Variants in CROCC observed in about 807,000 individuals in gnomAD.
The protein encoded by CROCC is rootletin.
In CROCC, 180 loss-of-function variants were observed where a neutral mutation model predicts 245.2. The ratio of observed to expected loss-of-function variants is 0.73; its 90% CI spans 0.65 to 0.83. The LOEUF is 0.83. CROCC is among the 40% of genes least tolerant of loss of function. CROCC has a pLI of 0.00. For synonymous variants in CROCC, 1,205 were observed against 1,241.6 expected, an observed-to-expected ratio of 0.97 and a Z score of 0.62; for missense variants, 2,688 against 2,779.4, an observed-to-expected ratio of 0.97 and a Z score of 0.74.
upstream of CROCC, among the ~76,000 whole-genome samples, chr1:16,920,093 T>TTTATA (rs2075372061): frequency 2.1e-4 from 2 of 9,404 alleles, no homozygotes; most frequent in Admixed American, 1.5e-3. Context: ...TTTATTTATA[T>TTTATA]TTTTGAGACG....
Position 16,924,312 on chromosome 1 carries a change from T to C in CROCC, c.197-13T>C. 1.2e-6 allele frequency: 2 copies of C among 1,609,586 alleles called. No individual in the cohort carries two copies. The highest frequency in any genetic ancestry group is 1.7e-6 in the Non-Finnish European group (2 of 1,178,274). ...ACCCAGAAGCCAACCATGTGCCCACTGTCCCTTGCCAGTCCTGCTGCCGGC... is the reference window on the plus strand; with the variant it reads ...ACCCAGAAGCCAACCATGTGCCCACCGTCCCTTGCCAGTCCTGCTGCCGGC... On this transcript the variant is annotated splice_polypyrimidine_tract_variant and intron_variant, in intron 2 of 36. Transcript: ENST00000375541.
intron 1 of CROCC, among the ~76,000 whole-genome samples, chr1:16,914,881 G>T (rs1487519497): frequency 6.6e-6 from 1 of 152,284 alleles, no homozygotes; most frequent in Non-Finnish European, 1.5e-5. Context: ...TGGGGAGGAG[G>T]ACTTCAGGGT....
rs1451446896 is a variant in CROCC at position 16,958,764 on chromosome 1, C to T, written c.4032+14C>T. 1.3e-6 allele frequency: 2 copies of T among 1,549,654 alleles called. No individual in the cohort carries two copies. Among genetic ancestry groups the T allele is most frequent in the Non-Finnish European group, 1.7e-6 (2 of 1,145,886 alleles). ...ATGCGGCAGGAGGTAACTGAGCAGG[C>T]GGGCAGGCTGGTGCATCTTTCCTTC... On this transcript the variant is annotated intron_variant, in intron 26 of 36. Coordinates refer to ENST00000375541, the MANE Select transcript of CROCC (RefSeq NM_014675.5).
upstream of CROCC, among the ~76,000 whole-genome samples, chr1:16,921,104 G>A (rs1162005142): frequency 4.1e-4 from 63 of 152,256 alleles, no homozygotes; most frequent in African/African-American, 1.5e-3. Context: ...TGTTGGCCAC[G>A]TGACCCCCCA....
intron 32 of CROCC, 34 bp from the exon 33 acceptor site, chr1:16,969,751 G>T: frequency 6.3e-7 from 1 of 1,594,328 alleles, no homozygotes; most frequent in Non-Finnish European, 8.5e-7. Flanking sequence ...AGGGCTCCCA[G>T]GCCAGCCAGG....
rs749557003 is a variant in CROCC at position 16,951,048 on chromosome 1, C to T, written c.2932C>T (p.Arg978Trp). 13 of 1,605,262 alleles carry T rather than the reference C, an allele frequency of 8.1e-6. No homozygotes were observed. Among genetic ancestry groups the T allele is most frequent in the South Asian group, 2.2e-5 (2 of 89,788 alleles). ...GGCCCAGAAGCTGGTGCAGGCTGAG[C>T]GGGAGGCCCAGGCCTCTCTGCGGGA... The part of the protein sequence containing the change: ...LMAQKLVQAE[R>W]EAQASLREQR... The change falls in exon 20 of 37, where the codon CGG (arginine) becomes TGG (tryptophan). Residue 978 changes from arginine to tryptophan, a missense_variant. By Grantham distance (101) the Arg-to-Trp change is moderately radical. Coordinates refer to ENST00000375541, the MANE Select transcript of CROCC (RefSeq NM_014675.5).
At chr1:16,943,502 C>T (rs1457108333) in intron 13 of CROCC, among the ~76,000 whole-genome samples, 1 of 152,102 alleles carries the variant, frequency 6.6e-6, no homozygotes, top group Non-Finnish European at 1.5e-5. Context: ...TGCGCTACTG[C>T]ACTCCAGCCT....
Position 16,948,469 on chromosome 1 carries a change from C to T in CROCC, c.2653C>T (p.Leu885=). 6.4e-7 allele frequency: 1 copy of T among 1,557,534 alleles called. No homozygotes were observed. The highest frequency in any genetic ancestry group is 8.7e-7 in the Non-Finnish European group (1 of 1,152,380). ...AKEHAGLAVQ[L]VAAEREGRTL... ...GGAGCACGCTGGCCTGGCTGTGCAG[C>T]TGGTGGCTGCGGAGCGTGAAGGCAG... The change falls in exon 18 of 37, where the codon CTG becomes TTG. Residue 885 remains leucine, a synonymous_variant. Coordinates refer to ENST00000375541, the MANE Select transcript of CROCC (RefSeq NM_014675.5).
rs991255202 is a variant in CROCC at position 16,921,970 on chromosome 1, T to G, written c.-49T>G. ...GTGGCGCGTGCTGACTGAGCTAGTCTTGGGGTCCTGGAGAAGGGGGCTGGA... is the reference window on the plus strand; with the variant it reads ...GTGGCGCGTGCTGACTGAGCTAGTCGTGGGGTCCTGGAGAAGGGGGCTGGA... On this transcript the variant is annotated 5_prime_UTR_variant, in exon 1 of 37. Coordinates refer to ENST00000375541, the MANE Select transcript of CROCC (RefSeq NM_014675.5). 17 of 1,512,078 alleles carry G rather than the reference T, an allele frequency of 1.1e-5. No individual in the cohort carries two copies. The Admixed American group carries it at 2.6e-4, about 23-fold the overall frequency. The allele number at this position is 1,512,078 out of a possible 1,614,324, so 93.7% of individuals were successfully genotyped here. A position where few individuals can be genotyped will look rare whatever the true frequency, so the allele number is the denominator to read the frequency against.
Position 16,930,423 on chromosome 1 carries a change from A to G in CROCC, c.684-6A>G. ...AGCGCCTACTGATCCCCTGTGCCCCATTCAGGAGTGCCAGCCTGGCCCAGG... is the reference window on the plus strand; with the variant it reads ...AGCGCCTACTGATCCCCTGTGCCCCGTTCAGGAGTGCCAGCCTGGCCCAGG... On this transcript the variant is annotated splice_polypyrimidine_tract_variant and splice_region_variant and intron_variant, in intron 6 of 36. Transcript: ENST00000375541. The G allele has an allele frequency of 6.2e-7, 1 of 1,611,550 alleles. No individual in the cohort carries two copies. Among genetic ancestry groups the G allele is most frequent in the Middle Eastern group, 2.2e-4 (1 of 4,650 alleles).
chr1:16,920,477 G>A (rs190663357), upstream of CROCC, among the ~76,000 whole-genome samples: 17 of 152,324 alleles, frequency 1.1e-4, no homozygotes, highest in East Asian at 3.1e-3. Flanking sequence ...AGAGGCTTGA[G>A]CCACTGCACC....
rs767301589 is a variant in CROCC at position 16,922,806 on chromosome 1, C to G, written c.196+8C>G. On this transcript the variant is annotated splice_region_variant and intron_variant, in intron 2 of 36. Coordinates refer to ENST00000375541, the MANE Select transcript of CROCC (RefSeq NM_014675.5). ...CCCAGCCTGAGAGCCCAGGTGCCAC[C>G]CCCATCCGCTCCCCTCCACAAACAC... 22 of 1,609,798 alleles carry G rather than the reference C, an allele frequency of 1.4e-5. No homozygotes were observed. Among genetic ancestry groups the G allele is most frequent in the Non-Finnish European group, 1.8e-5 (21 of 1,178,628 alleles).
chr1:16,955,501 A>T lies in CROCC; in HGVS notation c.3655A>T (p.Asn1219Tyr). 6.3e-7 allele frequency: 1 copy of T among 1,576,996 alleles called. No homozygotes were observed. The highest frequency in any genetic ancestry group is 8.6e-7 in the Non-Finnish European group (1 of 1,165,420). Residue 1219 changes from asparagine to tyrosine, a missense_variant, in exon 24 of 37, where the codon AAT becomes TAT. Asn to Tyr is a moderately radical substitution (Grantham distance 143). This residue lies in a region of CROCC where 1,218 missense variants were observed against 1,286.3 expected (regional missense o/e 0.95). Coordinates refer to ENST00000375541, the MANE Select transcript of CROCC (RefSeq NM_014675.5). Reference protein sequence around the residue: ...AKEREALRRSNEELRSAVKKA... With the variant: ...AKEREALRRSYEELRSAVKKA... The stretch of plus-strand genomic sequence containing the variant: ...GGAGCGCGAGGCCCTGCGGCGTTCC[A>T]ATGAGGAGCTTCGGTCTGCTGTGAA...
upstream of CROCC, among the ~76,000 whole-genome samples, chr1:16,920,956 C>A (rs1396333943): frequency 6.6e-6 from 1 of 152,238 alleles, no homozygotes; most frequent in Non-Finnish European, 1.5e-5. Flanking sequence ...ATTGGTCAGG[C>A]TGATCTTGAA....
At chr1:16,936,967 A>G (rs78906531) in intron 9 of CROCC, 94 bp downstream of exon 9, 77,531 of 1,266,274 alleles carry the variant, frequency 0.061, no homozygotes, top group East Asian at 0.074. Context: ...CACTAGGGGA[A>G]GGGCCTTCCT....
rs1480750402 is a variant in CROCC, at chr1:16,944,364, C to T, written c.1991+82C>T. 2.9e-6 allele frequency: 4 copies of T among 1,396,168 alleles called. No homozygotes were observed. In the African/African-American group the frequency reaches 4.3e-5, roughly 15 times the overall value. The allele number at this position is 1,396,168 out of a possible 1,614,324, so 86.5% of individuals were successfully genotyped here. A position where few individuals can be genotyped will look rare whatever the true frequency, so the allele number is the denominator to read the frequency against. On this transcript the variant is annotated intron_variant, in intron 14 of 36. Transcript: ENST00000375541. Reference sequence around the variant, plus strand: ...ACAGTGCCCCCCTGGGGTTAGGTGACACCCACTGGGTCCTGGGCCTCCTAC... The same window carrying T: ...ACAGTGCCCCCCTGGGGTTAGGTGATACCCACTGGGTCCTGGGCCTCCTAC...
chr1:16,940,063 G>A lies in CROCC; in HGVS notation c.1778G>A (p.Arg593Gln), dbSNP rs1428134630. The A allele has an allele frequency of 6.2e-7, 1 of 1,608,404 alleles. No individual in the cohort carries two copies. Among genetic ancestry groups the A allele is most frequent in the African/African-American group, 1.3e-5 (1 of 74,852 alleles). ...AHEDAQREVQ[R>Q]LRSANELLSR... ...GAGGACGCCCAGCGCGAGGTGCAGC[G>A]GCTGCGGAGCGCCAACGAGCTCCTG... The change falls in exon 13 of 37, where the codon CGG becomes CAG. Residue 593 changes from arginine to glutamine, a missense_variant. Around this residue, in one of 9 missense-constraint regions of CROCC, gnomAD observed 972 missense variants for 895.3 expected, o/e 1.09. Coordinates refer to ENST00000375541, the MANE Select transcript of CROCC (RefSeq NM_014675.5).
Position 16,922,059 on chromosome 1 carries a change from C to T in CROCC, c.41C>T (p.Thr14Ile). The change falls in exon 1 of 37, where the codon ACA becomes ATA. Residue 14 changes from threonine to isoleucine, a missense_variant. Coordinates refer to ENST00000375541, the MANE Select transcript of CROCC (RefSeq NM_014675.5). ...GCGGGGGCACAGGAGGTGGAGCTGA[C>T]ACTAGAGACGGTTATCCAGGTGGGT... ...GLAGAQEVEL[T>I]LETVIQTLES... The T allele has an allele frequency of 2.6e-6, 4 of 1,550,608 alleles. No homozygotes were observed. Among genetic ancestry groups the T allele is most frequent in the Non-Finnish European group, 2.6e-6 (3 of 1,146,662 alleles).
rs773772066 is a variant in CROCC at position 16,930,018 on chromosome 1, G to C, written c.524G>C (p.Arg175Pro). The change falls in exon 4 of 37, where the codon CGG becomes CCG. Residue 175 changes from arginine to proline, a missense_variant. By Grantham distance (103) the Arg-to-Pro change is moderately radical. This residue lies in a region of CROCC where 972 missense variants were observed against 895.3 expected (regional missense o/e 1.09). Transcript: ENST00000375541. ...CAGCGGCAGGCCCAGCTTGTGCAGCGGCTGCAGGGCAAGGTCAGGACCACC... is the reference window on the plus strand; with the variant it reads ...CAGCGGCAGGCCCAGCTTGTGCAGCCGCTGCAGGGCAAGGTCAGGACCACC... ...GQQRQAQLVQ[R>P]LQGKILQYKK... The C allele has an allele frequency of 6.3e-7, 1 of 1,575,904 alleles. No individual in the cohort carries two copies. Among genetic ancestry groups the C allele is most frequent in the South Asian group, 1.2e-5 (1 of 86,396 alleles).
Sources: allele counts gnomAD v4.1 joint callset (sites outside exome capture counted in the v4.1 genomes callset), GRCh38; gene constraint gnomAD v4.1.1; regional missense constraint gnomAD v4.1.1; transcripts MANE v1.5; gene names NCBI Gene and HGNC (gene_info 2026-07-23, HGNC 2026-07-21).